The following PCDHA9 variants were observed in gnomAD, a reference collection of about 807,000 sequenced individuals.
The protein encoded by PCDHA9 is protocadherin alpha-9.
A neutral mutation model predicts 62.0 loss-of-function variants in PCDHA9; 62 were observed. The ratio of observed to expected loss-of-function variants is 1.00; its 90% CI spans 0.81 to 1.23. The LOEUF is 1.23. PCDHA9 is among the 50% of genes most tolerant of loss of function. PCDHA9 has a pLI of 0.00. For synonymous variants in PCDHA9, 557 were observed against 567.6 expected (o/e 0.98, Z 0.27); for missense variants, 1,205 against 1,249.8 (o/e 0.96, Z 0.54).
intron 1 of PCDHA9, chr5:140,968,987 T>C: frequency 6.2e-7 from 1 of 1,614,224 alleles, no homozygotes; most frequent in Non-Finnish European, 8.5e-7. Context: ...TGGCACTGCA[T>C]GCTGTGGAGG....
intron 1 of PCDHA9, among the ~76,000 whole-genome samples, chr5:140,971,500 T>C (rs2096483313): frequency 1.3e-5 from 2 of 152,136 alleles, no homozygotes; most frequent in Admixed American, 1.3e-4. Context: ...TGTGGCAAGA[T>C]AGGAGCAAAA....
chr5:140,883,093 A>T (rs1035461317), intron 1 of PCDHA9: 1 of 1,614,146 alleles, frequency 6.2e-7, no homozygotes, highest in Non-Finnish European at 8.5e-7. Flanking sequence ...GTACAAATGG[A>T]GATATAGTTT....
chr5:140,945,322 T>C (rs1311724084), intron 1 of PCDHA9, among the ~76,000 whole-genome samples: 9 of 152,096 alleles, frequency 5.9e-5, no homozygotes, highest in Admixed American at 5.2e-4. Context: ...AATGGAAATA[T>C]ATTTTATGTT....
At chr5:140,854,861 A>G (rs1176578969) in intron 1 of PCDHA9, among the ~76,000 whole-genome samples, 2 of 149,864 alleles carry the variant, frequency 1.3e-5, no homozygotes, top group African/African-American at 4.9e-5. Flanking sequence ...TACTAGATAT[A>G]TTTCAGAACT....
intron 1 of PCDHA9, among the ~76,000 whole-genome samples, chr5:140,872,046 C>T (rs1554166008): frequency 6.6e-6 from 1 of 152,230 alleles, no homozygotes; most frequent in Non-Finnish European, 1.5e-5. Context: ...AGAATTCTCC[C>T]ACTTCAGCCT....
At chr5:140,856,117 G>A in intron 1 of PCDHA9, 1 of 1,598,170 alleles carries the variant, frequency 6.3e-7, no homozygotes, top group East Asian at 2.2e-5. Context: ...TCGCAGCCTG[G>A]GAGGTGGGGA....
intron 1 of PCDHA9, among the ~76,000 whole-genome samples, chr5:140,975,638 C>T (rs1256768090): frequency 6.6e-6 from 1 of 152,130 alleles, no homozygotes; most frequent in Non-Finnish European, 1.5e-5. Context: ...ACGAAGATAG[C>T]ATATTATTTC....
rs781886107 is a variant in PCDHA9 at position 140,870,037 on chromosome 5, A to G, written c.2394+19148A>G. 6.2e-7 allele frequency: 1 copy of G among 1,613,778 alleles called. No individual in the cohort carries two copies. The highest frequency in any genetic ancestry group is 1.7e-5 in the Admixed American group (1 of 60,026). On this transcript the variant is annotated intron_variant, in intron 1 of 3. Coordinates refer to ENST00000532602, the MANE Select transcript of PCDHA9 (RefSeq NM_031857.2). ...CAATGGAACTTTAGATTATGAAGAA[A>G]ACAAGTTTTATAAAATTGAAGTACA... is the stretch of plus-strand genomic sequence containing the variant.
At chr5:140,969,260 C>G (rs782595245) in intron 1 of PCDHA9, 1 of 1,614,228 alleles carries the variant, frequency 6.2e-7, no homozygotes, top group South Asian at 1.1e-5. Context: ...CAGCAGGAAT[C>G]TCACAGGCCA....
intron 1 of PCDHA9, chr5:140,967,116 G>A: frequency 1.2e-6 from 2 of 1,612,922 alleles, no homozygotes; most frequent in Non-Finnish European, 1.7e-6. Context: ...CGGCCTCGCT[G>A]CCTGCTCAGC....
rs535420158 is a variant in PCDHA9, at chr5:140,966,438, T to TC, written c.2395-12508dup. Reference sequence around the variant, plus strand: ...AGGACTTGCTGAGCCCTCCTACCGCTCCCTTTCCCCCTCCCCCTCTGTCTT... The same window carrying TC: ...AGGACTTGCTGAGCCCTCCTACCGCTCCCCTTTCCCCCTCCCCCTCTGTCTT... On this transcript the variant is annotated intron_variant, in intron 1 of 3. Transcript: ENST00000532602. 1.4e-5 allele frequency: 6 copies of TC among 422,688 alleles called. No homozygotes were observed. The East Asian group carries it at 1.4e-4, about 10-fold the overall frequency. 26.2% of individuals were successfully genotyped at this position (422,688 alleles called of 1,614,324 possible).
At chr5:140,920,388 T>C (rs1237249131) in intron 1 of PCDHA9, among the ~76,000 whole-genome samples, 1 of 152,214 alleles carries the variant, frequency 6.6e-6, no homozygotes, top group Non-Finnish European at 1.5e-5. Context: ...CATATTACCA[T>C]CTGGTGTCTT....
chr5:140,900,000 A>G (rs1374747791), intron 1 of PCDHA9, among the ~76,000 whole-genome samples: 1 of 151,872 alleles, frequency 6.6e-6, no homozygotes, highest in Non-Finnish European at 1.5e-5. Flanking sequence ...TGTAGAGATG[A>G]GGTCTCACTT....
At position 140,928,325 on chromosome 5, in the gene PCDHA9, G is replaced by A. The variant is rs1432328240; in HGVS notation, c.2395-50624G>A. 3.1e-6 allele frequency: 5 copies of A among 1,614,020 alleles called. No homozygotes were observed. The African/African-American group carries it at 6.7e-5, about 22-fold the overall frequency. ...CAGGACCCCGACCTGGGGAAGAATGGCCTTGTCTCTTATGAGCTGTTGGAT... is the reference window on the plus strand; with the variant it reads ...CAGGACCCCGACCTGGGGAAGAATGACCTTGTCTCTTATGAGCTGTTGGAT... On this transcript the variant is annotated intron_variant, in intron 1 of 3. Transcript: ENST00000532602.
At chr5:140,871,682 A>C (rs1207167654) in intron 1 of PCDHA9, 1 of 1,103,566 alleles carries the variant, frequency 9.1e-7, no homozygotes, top group Non-Finnish European at 1.3e-6. Context: ...TCATATGAAT[A>C]ATCTGGCTTC....
chr5:140,856,211 C>G (rs374070531), intron 1 of PCDHA9: 1 of 1,598,094 alleles, frequency 6.3e-7, no homozygotes, highest in South Asian at 1.1e-5. Flanking sequence ...GGGGCTGGAG[C>G]TGGCGGAGCT....
chr5:140,988,936 T>C (rs2097321406), intron 3 of PCDHA9: 1 of 152,158 alleles, frequency 6.6e-6, no homozygotes, highest in Non-Finnish European at 1.5e-5. Flanking sequence ...ACTGTTCTCT[T>C]AGGCTGCAGT....
chr5:140,853,605 G>C lies in PCDHA9; in HGVS notation c.2394+2716G>C, dbSNP rs773791072. ...TCTTAGACACTTTGAGAGCAAAGGG[G>C]GTGCTGTAAATAAGTATACAAGATC... On this transcript the variant is annotated intron_variant, in intron 1 of 3. Coordinates refer to ENST00000532602, the MANE Select transcript of PCDHA9 (RefSeq NM_031857.2). The C allele has an allele frequency of 3.1e-5, 31 of 987,206 alleles. 2 individuals carry two copies. The highest frequency in any genetic ancestry group is 3.7e-5 in the Non-Finnish European group (30 of 819,622). The allele number at this position is 987,206 out of a possible 1,614,324, so 61.2% of individuals were successfully genotyped here.
At chr5:140,996,831 T>C (rs1196344709) in intron 3 of PCDHA9, among the ~76,000 whole-genome samples, 1 of 152,204 alleles carries the variant, frequency 6.6e-6, no homozygotes, top group Non-Finnish European at 1.5e-5. Flanking sequence ...CTACCAATAA[T>C]TTAGCGTGCA....
Sources: gnomAD v4.1 joint callset for allele counts (sites outside exome capture counted in the v4.1 genomes callset) on GRCh38, gnomAD v4.1.1 for gene constraint, MANE v1.5 for transcripts, NCBI Gene and HGNC (gene_info 2026-07-23, HGNC 2026-07-21) for gene names.